The following TMEM132B variants were observed in gnomAD, a reference collection of about 807,000 sequenced individuals.
TMEM132B encodes transmembrane protein 132B.
TMEM132B carries 18 observed loss-of-function variants against 90.8 expected under a neutral mutation model. The ratio of observed to expected loss-of-function variants is 0.20; its 90% CI spans 0.14 to 0.29. The LOEUF is 0.29. Ranked by LOEUF, TMEM132B falls within the 10% of genes least tolerant of loss-of-function variation. TMEM132B has a pLI of 1.00. For synonymous variants in TMEM132B, 504 were observed against 523.3 expected (o/e 0.96, Z 0.50); for missense variants, 1,096 against 1,326.8 (o/e 0.83, Z 2.70).
chr12:125,600,609 T>C (rs1458963879), intron 5 of TMEM132B, among the ~76,000 whole-genome samples: 1 of 152,208 alleles, frequency 6.6e-6, no homozygotes, highest in East Asian at 1.9e-4. Context: ...ATTGATTCAT[T>C]CAATTTTTCA....
chr12:125,189,287 A>G (rs893668499), intron 1 of TMEM132B, among the ~76,000 whole-genome samples: 1 of 152,288 alleles, frequency 6.6e-6, no homozygotes, highest in Admixed American at 6.5e-5. Context: ...TGGCTTTGCA[A>G]ATTAGCGGTG....
At chr12:125,332,888 G>A (rs1027269766) in intron 1 of TMEM132B, among the ~76,000 whole-genome samples, 1 of 152,050 alleles carries the variant, frequency 6.6e-6, no homozygotes, top group African/African-American at 2.4e-5. Flanking sequence ...GAGAACAAAA[G>A]ATATTCTCTG....
intron 1 of TMEM132B, among the ~76,000 whole-genome samples, chr12:125,282,960 C>A (rs1204248031): frequency 6.6e-6 from 1 of 152,138 alleles, no homozygotes; most frequent in Non-Finnish European, 1.5e-5. Flanking sequence ...TGTTGGGAGT[C>A]CAAGTGGTAC....
At chr12:125,417,510 T>A (rs1880050246) in intron 3 of TMEM132B, among the ~76,000 whole-genome samples, 1 of 152,198 alleles carries the variant, frequency 6.6e-6, no homozygotes, top group Non-Finnish European at 1.5e-5. Context: ...AGGTTGTAGC[T>A]TGATTCTCTA....
chr12:125,451,382 TG>T (rs765764211), intron 3 of TMEM132B, among the ~76,000 whole-genome samples: 2 of 151,980 alleles, frequency 1.3e-5, no homozygotes, highest in East Asian at 1.9e-4. Context: ...ATGTATATAT[TG>T]GGGGAGAGAG....
chr12:125,249,196 C>G (rs1031300231), intron 1 of TMEM132B, among the ~76,000 whole-genome samples: 2 of 152,194 alleles, frequency 1.3e-5, no homozygotes, highest in Non-Finnish European at 2.9e-5. Context: ...CTCAGTGATT[C>G]TCACCCTTGA....
At chr12:125,514,422 C>G (rs1339690640) in intron 3 of TMEM132B, among the ~76,000 whole-genome samples, 1 of 152,116 alleles carries the variant, frequency 6.6e-6, no homozygotes, top group African/African-American at 2.4e-5. Context: ...TGAGAGGCAC[C>G]AGCAAATCCT....
rs371346721 is a variant in TMEM132B, at chr12:125,517,167, C to CT, written c.1107-2259dup. Among the ~76,000 whole-genome samples, 1,160 of 144,516 alleles carry CT rather than the reference C, an allele frequency of 8.0e-3. 18 individuals are homozygous for CT. Among genetic ancestry groups the CT allele is most frequent in the African/African-American group, 0.023 (930 of 39,660 alleles). The allele number at this position is 144,516 out of a possible 152,430, so 94.8% of individuals were successfully genotyped here. A position where few individuals can be genotyped will look rare whatever the true frequency, so the allele number is the denominator to read the frequency against. ...TTCAACACACATTTTCTCTCTCTCT[C>CT]TTTTTTTTTTTTTGAGACAGTTTCG... On this transcript the variant is annotated intron_variant, in intron 3 of 8. Transcript: ENST00000682704.
intron 1 of TMEM132B, among the ~76,000 whole-genome samples, chr12:125,253,913 A>G (rs1165913007): frequency 1.3e-5 from 2 of 152,100 alleles, no homozygotes; most frequent in South Asian, 2.1e-4. Flanking sequence ...CTCTTGAACA[A>G]TGTTGTGTTT....
chr12:125,649,611 T>C (rs1886855934), intron 6 of TMEM132B, among the ~76,000 whole-genome samples: 1 of 152,200 alleles, frequency 6.6e-6, no homozygotes, highest in African/African-American at 2.4e-5. Flanking sequence ...GGATGTCCGC[T>C]CTCATCATTA....
At chr12:125,327,481 GT>G (rs1188573935) in intron 1 of TMEM132B, 1 of 152,276 alleles carries the variant, frequency 6.6e-6, no homozygotes, top group Non-Finnish European at 1.5e-5. Context: ...CTCCATCCTG[GT>G]GGCCCTTTCT....
intron 2 of TMEM132B, among the ~76,000 whole-genome samples, chr12:125,368,697 C>T (rs1878205123): frequency 6.6e-6 from 1 of 152,200 alleles, no homozygotes; most frequent in Admixed American, 6.5e-5. Flanking sequence ...TCCTATAGGA[C>T]ACATGCTCCT....
intron 2 of TMEM132B, among the ~76,000 whole-genome samples, chr12:125,397,314 A>G (rs951484331): frequency 2.0e-5 from 3 of 152,176 alleles, no homozygotes; most frequent in African/African-American, 7.2e-5. Flanking sequence ...TTTTGCACAC[A>G]GTAGGTTAAC....
chr12:125,339,822 T>C (rs1217831014), intron 1 of TMEM132B, among the ~76,000 whole-genome samples: 1 of 152,168 alleles, frequency 6.6e-6, no homozygotes, highest in Non-Finnish European at 1.5e-5. Context: ...TTTAGCTATA[T>C]TGCCTCTTGA....
intron 4 of TMEM132B, among the ~76,000 whole-genome samples, chr12:125,534,888 A>G (rs10459108): frequency 0.51 from 77,043 of 151,980 alleles, 19,867 homozygotes; most frequent in East Asian, 0.65. Context: ...TCAATTGCAC[A>G]TGCCACATTT....
intron 5 of TMEM132B, chr12:125,585,645 C>A (rs1262027531): frequency 6.6e-6 from 1 of 152,246 alleles, no homozygotes; most frequent in Admixed American, 6.5e-5. Context: ...AAGAGCTCTA[C>A]TCTAGAGGGG....
intron 4 of TMEM132B, among the ~76,000 whole-genome samples, chr12:125,546,239 G>C (rs905940297): frequency 1.3e-5 from 2 of 151,726 alleles, no homozygotes; most frequent in African/African-American, 4.8e-5. Context: ...CTGGAGTACA[G>C]TGGCACGATC....
chr12:125,455,396 A>G (rs1235842267), intron 3 of TMEM132B, among the ~76,000 whole-genome samples: 1 of 152,206 alleles, frequency 6.6e-6, no homozygotes, highest in African/African-American at 2.4e-5. Flanking sequence ...TAGTGATTAA[A>G]GTAAATCAGA....
intron 1 of TMEM132B, among the ~76,000 whole-genome samples, chr12:125,233,183 A>C (rs75488312): frequency 6.6e-6 from 1 of 152,222 alleles, no homozygotes; most frequent in African/African-American, 2.4e-5. Flanking sequence ...TGGTCCCTCA[A>C]CAGTCATGTA....
Sources: allele counts gnomAD v4.1 joint callset (sites outside exome capture counted in the v4.1 genomes callset), GRCh38; gene constraint gnomAD v4.1.1; transcripts MANE v1.5; gene names NCBI Gene and HGNC (gene_info 2026-07-23, HGNC 2026-07-21).